Variants in IFI16 observed in about 807,000 individuals in gnomAD.
IFI16 encodes the protein interferon gamma inducible protein 16, also known as gamma-interferon-inducible protein 16.
IFI16 carries 49 observed loss-of-function variants against 68.4 expected under a neutral mutation model. That is an observed-to-expected ratio of 0.72 (90% CI 0.57 to 0.91). The LOEUF (loss-of-function observed/expected upper bound fraction) is 0.91. Ranked by LOEUF, IFI16 falls within the 40% of genes least tolerant of loss-of-function variation. IFI16 has a pLI of 0.00. For synonymous variants in IFI16, 307 were observed against 315.0 expected (o/e 0.97, Z 0.27); for missense variants, 878 against 942.9 (o/e 0.93, Z 0.90).
intron 7 of IFI16, among the ~76,000 whole-genome samples, chr1:159,039,913 T>G (rs1169261179): frequency 6.6e-6 from 1 of 152,186 alleles, no homozygotes; most frequent in African/African-American, 2.4e-5. Context: ...CAAAGGTGTA[T>G]TTGCATTGTA....
At chr1:159,037,122 C>T (rs969505228) in intron 7 of IFI16, among the ~76,000 whole-genome samples, 11 of 152,156 alleles carry the variant, frequency 7.2e-5, no homozygotes, top group African/African-American at 2.7e-4. Flanking sequence ...TTGGACATCC[C>T]AGGACAGTCA....
chr1:159,053,337 A>G (rs1655474516), intron 10 of IFI16, 196 bp from the exon 11 acceptor site: 3 of 404,226 alleles, frequency 7.4e-6, no homozygotes, highest in African/African-American at 4.1e-5. Context: ...AACTTCAACA[A>G]AAGAGGCTCA....
At chr1:159,052,185 T>A in intron 10 of IFI16, 87 bp downstream of exon 10, 2 of 1,043,000 alleles carry the variant, frequency 1.9e-6, no homozygotes, top group Non-Finnish European at 2.8e-6. Flanking sequence ...TTGGTCAACT[T>A]ACTCAACACA....
intron 7 of IFI16, among the ~76,000 whole-genome samples, chr1:159,043,079 T>G (rs944520811): frequency 6.6e-6 from 1 of 152,218 alleles, no homozygotes; most frequent in African/African-American, 2.4e-5. Context: ...GGACAGGCTT[T>G]CTACATGTGG....
At chr1:159,003,927 T>A (rs1448077145), upstream of IFI16, among the ~76,000 whole-genome samples, 1 of 152,168 alleles carries the variant, frequency 6.6e-6, no homozygotes, top group Non-Finnish European at 1.5e-5. Context: ...CCCAAAGTGC[T>A]GGGATTACAG....
intron 1 of IFI16, chr1:159,000,523 G>A (rs1014831562): frequency 6.6e-6 from 1 of 152,378 alleles, no homozygotes; most frequent in African/African-American, 2.4e-5. Flanking sequence ...CATCTTCAGA[G>A]GGTATACAAC....
intron 8 of IFI16, among the ~76,000 whole-genome samples, chr1:159,048,072 G>T (rs1655104662): frequency 6.7e-6 from 1 of 148,582 alleles, no homozygotes. Flanking sequence ...TGCTACACAT[G>T]GCAGATCTGA....
intron 7 of IFI16, 62 bp downstream of exon 7, chr1:159,032,753 C>T: frequency 1.5e-6 from 2 of 1,338,882 alleles, no homozygotes; most frequent in Non-Finnish European, 2.0e-6. Context: ...GATCATTAGA[C>T]TGTTGAAAGA....
At chr1:159,044,743 C>G (rs1272816182) in intron 7 of IFI16, among the ~76,000 whole-genome samples, 1 of 152,108 alleles carries the variant, frequency 6.6e-6, no homozygotes, top group African/African-American at 2.4e-5. Flanking sequence ...GCTAAAAACT[C>G]TGAAAGATTC....
chr1:159,018,770 T>C (rs931854503), intron 5 of IFI16, 119 bp downstream of exon 5: 4 of 708,774 alleles, frequency 5.6e-6, no homozygotes, highest in Admixed American at 2.6e-5. Context: ...CTCTGAAGAC[T>C]AATGACAGGT....
At chr1:159,001,314 A>G (rs1652048671), upstream of IFI16, among the ~76,000 whole-genome samples, 1 of 152,192 alleles carries the variant, frequency 6.6e-6, no homozygotes, top group South Asian at 2.1e-4. Flanking sequence ...TGAGCCAAGA[A>G]CAAGAAAGGA....
intron 7 of IFI16, among the ~76,000 whole-genome samples, chr1:159,035,582 C>T (rs1283991828): frequency 6.6e-6 from 1 of 152,160 alleles, no homozygotes; most frequent in East Asian, 1.9e-4. Context: ...GCCATTTATT[C>T]TTGGGTGTCC....
chr1:159,042,531 A>G (rs1411142508), intron 7 of IFI16, among the ~76,000 whole-genome samples: 1 of 152,070 alleles, frequency 6.6e-6, no homozygotes, highest in African/African-American at 2.4e-5. Context: ...TTTTGATGTC[A>G]ATTTTTTCCA....
chr1:159,049,794 A>G (rs1217519974), intron 9 of IFI16, among the ~76,000 whole-genome samples, 195 bp downstream of exon 9: 3 of 152,312 alleles, frequency 2.0e-5, no homozygotes, highest in East Asian at 3.9e-4. Context: ...TCTCTATTCC[A>G]TAACAGGTAT....
At position 159,054,876 on chromosome 1, in the gene IFI16, A is replaced by G. The variant is rs777353591; in HGVS notation, c.2333A>G (p.Glu778Gly). 6.7e-5 allele frequency: 107 copies of G among 1,600,492 alleles called. No individual in the cohort carries two copies. Among genetic ancestry groups the G allele is most frequent in the Non-Finnish European group, 8.4e-5 (98 of 1,169,460 alleles). Residue 778 changes from glutamate to glycine, a missense_variant, in exon 12 of 12, where the codon GAA becomes GGA. This residue lies in a region of IFI16 where 311 missense variants were observed against 305.1 expected (regional missense o/e 1.02). Transcript: ENST00000295809. ...KDILNPDSSMETSPDFFF is the reference protein window; with the variant it reads ...KDILNPDSSMGTSPDFFF ...ATACTCAATCCTGATTCAAGTATGG[A>G]AACTTCACCAGACTTTTTCTTCTAA...
At chr1:159,041,689 G>A (rs774765446) in intron 7 of IFI16, among the ~76,000 whole-genome samples, 19 of 152,144 alleles carry the variant, frequency 1.2e-4, no homozygotes, top group Non-Finnish European at 2.6e-4. Flanking sequence ...AGAAACTTCA[G>A]TCATCTGAAT....
chr1:159,054,676 A>G (rs1655568971), intron 11 of IFI16, 145 bp from the exon 12 acceptor site: 1 of 543,032 alleles, frequency 1.8e-6, no homozygotes, highest in Non-Finnish European at 3.4e-6. Flanking sequence ...ATTAAGGGAG[A>G]TAGATGAGAG....
chr1:159,007,175 T>C (rs1652291502), upstream of IFI16, among the ~76,000 whole-genome samples: 1 of 152,178 alleles, frequency 6.6e-6, no homozygotes, highest in African/African-American at 2.4e-5. Flanking sequence ...GTTCCATTCA[T>C]GTGAGAGTTG....
upstream of IFI16, among the ~76,000 whole-genome samples, chr1:159,001,841 T>TAAA (rs1652070382): frequency 6.6e-6 from 1 of 152,216 alleles, no homozygotes; most frequent in African/African-American, 2.4e-5. Context: ...TTAAAGTATT[T>TAAA]GCTATAGGGT....
Sources: gnomAD v4.1 joint callset for allele counts (sites outside exome capture counted in the v4.1 genomes callset) on GRCh38, gnomAD v4.1.1 for gene constraint, gnomAD v4.1.1 regional missense constraint, MANE v1.5 for transcripts, NCBI Gene and HGNC (gene_info 2026-07-23, HGNC 2026-07-21) for gene names.